RAD51D: variants seen among roughly 807,000 people sequenced by gnomAD.
RAD51D encodes the protein DNA repair protein RAD51 homolog 4.
In RAD51D, 38 loss-of-function variants were observed where a neutral mutation model predicts 44.1. That is an observed-to-expected ratio of 0.86 (90% confidence interval 0.67 to 1.13). RAD51D has a LOEUF of 1.13. Among genes scored for constraint, RAD51D ranks in the 50% most tolerant of loss-of-function variants. RAD51D has a pLI of 0.00. For synonymous variants in RAD51D, 141 were observed against 166.6 expected, an observed-to-expected ratio of 0.85 and a Z score of 1.18; for missense variants, 390 against 414.0, an observed-to-expected ratio of 0.94 and a Z score of 0.50.
In RAD51D at chr17:35,103,511, C is replaced by G. The variant is rs765881830; in HGVS notation, c.610G>C (p.Val204Leu). Residue 204 changes from valine to leucine, a missense_variant, in exon 7 of 10, where the codon GTT (valine) becomes CTT (leucine). Coordinates refer to ENST00000345365, the MANE Select transcript of RAD51D (RefSeq NM_002878.4). This position sits in a 1 kb window ranked among gnomAD's most constrained non-coding sequence, Gnocchi z 4.1. The stretch of plus-strand genomic sequence containing the variant: ...ACCACCGCAGTGACCGAGTCCACAA[C>G]CACCACCTTCACAGTTCCTGAAGAA... ...TGSSGTVKVV[V>L]VDSVTAVVSP... The G allele has an allele frequency of 1.2e-6, 2 of 1,614,222 alleles. No homozygotes were observed. Among genetic ancestry groups the G allele is most frequent in the South Asian group, 2.2e-5 (2 of 91,086 alleles).
In RAD51D at chr17:35,107,064, A is replaced by G. The variant is rs1409370576; in HGVS notation, c.404T>C (p.Val135Ala). Reference protein sequence around the residue: ...AHGLQQNVLYVDSNGGLTASR... With the variant: ...AHGLQQNVLYADSNGGLTASR... Reference sequence around the variant, plus strand: ...AGCTGTCAGCCCTCCATTGGAATCTACATATAGGACGTTTTGCTGCAGGCC... The same window carrying G: ...AGCTGTCAGCCCTCCATTGGAATCTGCATATAGGACGTTTTGCTGCAGGCC... The change falls in exon 5 of 10, where the codon GTA (valine) becomes GCA (alanine). Residue 135 changes from valine (V) to alanine (A), a missense_variant. Coordinates refer to ENST00000345365, the MANE Select transcript of RAD51D (RefSeq NM_002878.4). The G allele has an allele frequency of 6.2e-7, 1 of 1,614,066 alleles. No homozygotes were observed. Among genetic ancestry groups the G allele is most frequent in the Admixed American group, 1.7e-5 (1 of 60,016 alleles).
Position 35,097,819 on chromosome 17 carries a change from A to G in RAD51D, c.*3134T>C, listed in dbSNP as rs986695435. On this transcript the variant is annotated 3_prime_UTR_variant, in exon 10 of 10. Coordinates refer to ENST00000345365, the MANE Select transcript of RAD51D (RefSeq NM_002878.4). ...TAACTAATACAGGGAAGTTACTGTA[A>G]GCATCTATCTAGATCACAGCTGAGG... 2 of 152,298 alleles carry G rather than the reference A, an allele frequency of 1.3e-5. No individual in the cohort carries two copies. Among genetic ancestry groups the G allele is most frequent in the African/African-American group, 2.4e-5 (1 of 41,470 alleles). 9.4% of individuals were successfully genotyped at this position (152,298 alleles called of 1,614,324 possible).
Position 35,115,242 on chromosome 17 carries a change from T to G in RAD51D, c.263+3259A>C, listed in dbSNP as rs576564312. ...TTCCCTCTGAACTGCCTTTTAGCCA[T>G]TCTTTCAGTCATCCATTCACACACC... On this transcript the variant is annotated intron_variant, in intron 3 of 9. Transcript: ENST00000345365. 9.7e-6 allele frequency: 5 copies of G among 517,598 alleles called. No individual in the cohort carries two copies. The Admixed American group carries it at 9.7e-5, about 10-fold the overall frequency. 32.1% of individuals were successfully genotyped at this position (517,598 alleles called of 1,614,324 possible).
chr17:35,107,197 C>T lies in RAD51D; in HGVS notation c.346-75G>A, dbSNP rs2091617437. The T allele has an allele frequency of 2.5e-6, 4 of 1,569,632 alleles. No homozygotes were observed. The South Asian group carries it at 3.3e-5, about 13-fold the overall frequency. Reference sequence around the variant, plus strand: ...TGGGAGCTCCCCACCAAACCTTGCCCAGATTCCAGCAACACAAATGGGCTG... The same window carrying T: ...TGGGAGCTCCCCACCAAACCTTGCCTAGATTCCAGCAACACAAATGGGCTG... On this transcript the variant is annotated intron_variant, in intron 4 of 9. Transcript: ENST00000345365.
In RAD51D at chr17:35,103,446, T is replaced by G. The variant is rs941079937; in HGVS notation, c.667+8A>C. 6.2e-7 allele frequency: 1 copy of G among 1,613,842 alleles called. No homozygotes were observed. Among genetic ancestry groups the G allele is most frequent in the Non-Finnish European group, 8.5e-7 (1 of 1,179,796 alleles). On this transcript the variant is annotated splice_region_variant and intron_variant, in intron 7 of 9. Coordinates refer to ENST00000345365, the MANE Select transcript of RAD51D (RefSeq NM_002878.4). This position sits in a 1 kb window ranked among gnomAD's most constrained non-coding sequence, Gnocchi z 4.1. ...TCCACTGGCCCCAGGCTCTGCCACA[T>G]CACTCACCTTCCCTCTGCTGACCTC...
intron 3 of RAD51D, chr17:35,115,146 T>C: frequency 2.4e-6 from 1 of 415,848 alleles, no homozygotes; most frequent in Non-Finnish European, 4.9e-6. Context: ...TCTTGCCCCA[T>C]GAAGCAGAAG....
At chr17:35,111,944 C>T (rs1295022283) in intron 3 of RAD51D, among the ~76,000 whole-genome samples, 1 of 152,246 alleles carries the variant, frequency 6.6e-6, no homozygotes, top group Non-Finnish European at 1.5e-5. Context: ...TTATCCGAGT[C>T]ATCTTTGATC....
At position 35,093,507 on chromosome 17, in the gene RAD51D, C is replaced by T. The variant is rs1436473501; in HGVS notation, c.*7446G>A. ...AAATGTGCAGCAGCTGAAGTGCAGC[C>T]GTACAGCTCCAGGGCATGAGGACCT... On this transcript the variant is annotated 3_prime_UTR_variant, in exon 10 of 10. Transcript: ENST00000345365. The T allele has an allele frequency of 1.3e-5, 2 of 152,192 alleles. No individual in the cohort carries two copies. The highest frequency in any genetic ancestry group is 6.5e-5 in the Admixed American group (1 of 15,276). 9.4% of individuals were successfully genotyped at this position (152,192 alleles called of 1,614,324 possible). A position where few individuals can be genotyped will look rare whatever the true frequency, so the allele number is the denominator to read the frequency against.
chr17:35,116,011 A>AAGAAAGAAAGAAAGAG (rs1227455825), intron 3 of RAD51D, among the ~76,000 whole-genome samples: 2 of 151,240 alleles, frequency 1.3e-5, no homozygotes, highest in South Asian at 2.1e-4. Context: ...GAAAGAAAGA[A>AAGAAAGAAAGAAAGAG]AGGCTAGAAA....
In RAD51D at chr17:35,118,594, A is replaced by G; in HGVS notation, c.170T>C (p.Leu57Pro). 1 of 1,614,216 alleles carries G rather than the reference A, an allele frequency of 6.2e-7. No individual in the cohort carries two copies. Among genetic ancestry groups the G allele is most frequent in the African/African-American group, 1.3e-5 (1 of 75,070 alleles). Reference protein sequence around the residue: ...YKALVALRRVLLAQFSAFPVN... With the variant: ...YKALVALRRVPLAQFSAFPVN... Reference sequence around the variant, plus strand: ...GGGGAAAGCCGAGAACTGAGCCAGCAGCACCCGCCTCAGGGCAACCAGGGC... The same window carrying G: ...GGGGAAAGCCGAGAACTGAGCCAGCGGCACCCGCCTCAGGGCAACCAGGGC... Residue 57 changes from leucine (L) to proline (P), a missense_variant, in exon 3 of 10, where the codon CTG becomes CCG. Leu to Pro is a moderately conservative substitution (Grantham distance 98). Transcript: ENST00000345365.
chr17:35,104,414 C>T (rs2091574814), intron 6 of RAD51D, among the ~76,000 whole-genome samples: 1 of 152,220 alleles, frequency 6.6e-6, no homozygotes, highest in African/African-American at 2.4e-5. Context: ...CTTGCTCTGT[C>T]ACCCAGGCTG....
At chr17:35,101,468 A>C (rs28363289) in intron 8 of RAD51D, 103 bp from the exon 9 acceptor site, 1 of 1,295,782 alleles carries the variant, frequency 7.7e-7, no homozygotes, top group East Asian at 2.3e-5. Context: ...AGCACAGAGA[A>C]ATAACTTCCC....
rs767133444 is a variant in RAD51D at position 35,119,816 on chromosome 17, C to A, written c.-203G>T. The A allele has an allele frequency of 4.3e-6, 3 of 700,070 alleles. No individual in the cohort carries two copies. Among genetic ancestry groups the A allele is most frequent in the East Asian group, 5.5e-5 (2 of 36,430 alleles). 43.4% of individuals were successfully genotyped at this position (700,070 alleles called of 1,614,324 possible). ...CCCGCCCGGGATCCGCCGGGATTCC[C>A]GCGCCCAGAGCCCGCCCGCCGGGTC... On this transcript the variant is annotated 5_prime_UTR_variant, in exon 1 of 10. Coordinates refer to ENST00000345365, the MANE Select transcript of RAD51D (RefSeq NM_002878.4).
chr17:35,119,215 G>T (rs1369367222), intron 1 of RAD51D, 43 bp from the exon 2 acceptor site: 1 of 1,556,568 alleles, frequency 6.4e-7, no homozygotes, highest in South Asian at 1.1e-5. Context: ...AGAGGACTGG[G>T]GCCTCCCACA....
rs750221187 is a variant in RAD51D, at chr17:35,107,343, C to G, written c.345+23G>C. The stretch of plus-strand genomic sequence containing the variant: ...CTACCACCCTCACCCCTAAATCCTC[C>G]TGACTGCTGGCCTCACATGTACCTG... On this transcript the variant is annotated intron_variant, in intron 4 of 9. Coordinates refer to ENST00000345365, the MANE Select transcript of RAD51D (RefSeq NM_002878.4). 6 of 1,531,838 alleles carry G rather than the reference C, an allele frequency of 3.9e-6. No individual in the cohort carries two copies. The highest frequency in any genetic ancestry group is 5.4e-6 in the Non-Finnish European group (6 of 1,105,282). 94.9% of individuals were successfully genotyped at this position (1,531,838 alleles called of 1,614,324 possible).
Position 35,093,940 on chromosome 17 carries a change from T to C in RAD51D, c.*7013A>G, listed in dbSNP as rs1410545365. On this transcript the variant is annotated 3_prime_UTR_variant, in exon 10 of 10. Coordinates refer to ENST00000345365, the MANE Select transcript of RAD51D (RefSeq NM_002878.4). ...GCTTCAGCAGCACATACACTAAAAT[T>C]GGAACAATACAAAGATGATTAGCAT... The C allele has an allele frequency of 6.6e-6, 1 of 152,092 alleles. No homozygotes were observed. The highest frequency in any genetic ancestry group is 1.5e-5 in the Non-Finnish European group (1 of 68,030). 9.4% of individuals were successfully genotyped at this position (152,092 alleles called of 1,614,324 possible). A position where few individuals can be genotyped will look rare whatever the true frequency, so the allele number is the denominator to read the frequency against.
At position 35,115,956 on chromosome 17, in the gene RAD51D, G is replaced by GGAAAGAAAGAAAGAAAGAAAGAAA. The variant is rs71147458; in HGVS notation, c.263+2521_263+2544dup. Reference sequence around the variant, plus strand: ...GGAAGGAAGAAAGAAAAGGAAGAAAGGAAAGAAAGAAAGAAAGAAAGAAAG... The same window carrying GGAAAGAAAGAAAGAAAGAAAGAAA: ...GGAAGGAAGAAAGAAAAGGAAGAAAGGAAAGAAAGAAAGAAAGAAAGAAAGAAAGAAAGAAAGAAAGAAAGAAAG... On this transcript the variant is annotated intron_variant, in intron 3 of 9. Transcript: ENST00000345365. 5.1e-3 allele frequency among the ~76,000 whole-genome samples: 330 copies of GGAAAGAAAGAAAGAAAGAAAGAAA among 65,248 alleles called. 7 individuals are homozygous for GGAAAGAAAGAAAGAAAGAAAGAAA. Among genetic ancestry groups the GGAAAGAAAGAAAGAAAGAAAGAAA allele is most frequent in the East Asian group, 0.012 (28 of 2,264 alleles). The allele number at this position is 65,248 out of a possible 152,430, so 42.8% of individuals were successfully genotyped here. A position where few individuals can be genotyped will look rare whatever the true frequency, so the allele number is the denominator to read the frequency against.
Position 35,095,926 on chromosome 17 carries a change from TCA to T in RAD51D, c.*5025_*5026del, listed in dbSNP as rs2091483762. The T allele has an allele frequency of 6.6e-6, 1 of 152,204 alleles. No individual in the cohort carries two copies. Among genetic ancestry groups the T allele is most frequent in the South Asian group, 2.1e-4 (1 of 4,830 alleles). 9.4% of individuals were successfully genotyped at this position (152,204 alleles called of 1,614,324 possible). A position where few individuals can be genotyped will look rare whatever the true frequency, so the allele number is the denominator to read the frequency against. On this transcript the variant is annotated 3_prime_UTR_variant, in exon 10 of 10. Coordinates refer to ENST00000345365, the MANE Select transcript of RAD51D (RefSeq NM_002878.4). ...TAACAGATTGCTGAGGCTCAGCCAA[TCA>T]CATCATCAGCTTCAGTGGGTTCCAG...
chr17:35,097,461 ATATATG>A lies in RAD51D; in HGVS notation c.*3486_*3491del, dbSNP rs1195860202. ...TGTGTATATATATGTGTGTATATAT[ATATATG>A]TGTGTATATATATGTATATATATGT... On this transcript the variant is annotated 3_prime_UTR_variant, in exon 10 of 10. Coordinates refer to ENST00000345365, the MANE Select transcript of RAD51D (RefSeq NM_002878.4). The A allele has an allele frequency of 2.7e-5, 4 of 149,514 alleles. No homozygotes were observed. The highest frequency in any genetic ancestry group is 5.9e-5 in the Non-Finnish European group (4 of 67,632). 9.3% of individuals were successfully genotyped at this position (149,514 alleles called of 1,614,324 possible).
Sources: gnomAD v4.1 joint callset for allele counts (sites outside exome capture counted in the v4.1 genomes callset) on GRCh38, gnomAD v4.1.1 for gene constraint, Gnocchi (gnomAD v3.1) non-coding constraint, MANE v1.5 for transcripts, NCBI Gene and HGNC (gene_info 2026-07-23, HGNC 2026-07-21) for gene names.